Variants in CREB5 observed in about 807,000 individuals in gnomAD.
CREB5 encodes cyclic AMP-responsive element-binding protein 5.
Under a neutral mutation model 57.1 loss-of-function variants are expected in CREB5, and 19 were observed. The observed-to-expected ratio is 0.33, with a 90% CI of 0.23 to 0.49. The LOEUF (loss-of-function observed/expected upper bound fraction) is 0.49, where lower values mean the gene tolerates loss of function less well. CREB5 is among the 20% of genes least tolerant of loss of function. CREB5 has a pLI of 0.99. For missense variants in CREB5, 579 were observed against 671.6 expected (o/e 0.86, Z 1.52); for synonymous variants, 238 against 238.3 (o/e 1.00, Z 0.01).
At chr7:28,360,549 G>T (rs915902179) in intron 1 of CREB5, among the ~76,000 whole-genome samples, 1 of 152,080 alleles carries the variant, frequency 6.6e-6, no homozygotes, top group Non-Finnish European at 1.5e-5. Flanking sequence ...GTACTGTGGT[G>T]GTTACGAAAG....
intron 5 of CREB5, among the ~76,000 whole-genome samples, chr7:28,598,689 TC>T (rs1469595082): frequency 6.6e-6 from 1 of 152,180 alleles, no homozygotes; most frequent in Non-Finnish European, 1.5e-5. Flanking sequence ...CCTCACTCTA[TC>T]CATCATTATT....
In CREB5 at chr7:28,488,221, T is replaced by C; in HGVS notation, c.50T>C (p.Val17Ala). ...KMNLEQERPF[V>A]CSAPGCSQRF... Reference sequence around the variant, plus strand: ...AATTTGGAGCAGGAGAGGCCGTTTGTCTGCAGTGCCCCAGGCTGCTCCCAG... The same window carrying C: ...AATTTGGAGCAGGAGAGGCCGTTTGCCTGCAGTGCCCCAGGCTGCTCCCAG... Residue 17 changes from valine to alanine, a missense_variant, in exon 2 of 11, where the codon GTC becomes GCC. Physicochemically the swap from Val to Ala is moderately conservative, Grantham distance 64 (BLOSUM62 0). This residue lies in a region of CREB5 where 459 missense variants were observed against 515.7 expected (regional missense o/e 0.89). Coordinates refer to ENST00000357727, the MANE Select transcript of CREB5 (RefSeq NM_182898.4). 1.2e-6 allele frequency: 2 copies of C among 1,613,958 alleles called. No individual in the cohort carries two copies. Among genetic ancestry groups the C allele is most frequent in the Non-Finnish European group, 8.5e-7 (1 of 1,179,910 alleles).
At position 28,703,276 on chromosome 7, in the gene CREB5, G is replaced by A. The variant is rs1057222983; in HGVS notation, c.465-15477G>A. On this transcript the variant is annotated intron_variant, in intron 5 of 10. Transcript: ENST00000357727. ...GATGGAGCCAAGTGGATACACTCCA[G>A]GTCTATTTTGGGGGTGGAGTGAATA... Among the ~76,000 whole-genome samples the A allele has an allele frequency of 2.0e-5, 3 of 152,266 alleles. No homozygotes were observed. The South Asian group carries it at 6.2e-4, about 32-fold the overall frequency.
chr7:28,706,752 A>G (rs1030554139), intron 5 of CREB5, among the ~76,000 whole-genome samples: 1 of 152,200 alleles, frequency 6.6e-6, no homozygotes, highest in Non-Finnish European at 1.5e-5. Flanking sequence ...GTTGCACAAG[A>G]GAGAGCACAC....
At chr7:28,768,214 G>A (rs528598919) in intron 7 of CREB5, among the ~76,000 whole-genome samples, 1 of 152,248 alleles carries the variant, frequency 6.6e-6, no homozygotes, top group African/African-American at 2.4e-5. Flanking sequence ...TCCTCAGAAG[G>A]GAAAGAAGAC....
intron 5 of CREB5, among the ~76,000 whole-genome samples, chr7:28,576,115 T>C (rs74750065): frequency 0.016 from 2,437 of 152,222 alleles, 65 homozygotes; most frequent in African/African-American, 0.056. Context: ...CAGGCAAGCA[T>C]TGTGTCTTAG....
chr7:28,786,972 A>G (rs1807366292), intron 7 of CREB5, among the ~76,000 whole-genome samples: 1 of 152,196 alleles, frequency 6.6e-6, no homozygotes, highest in Non-Finnish European at 1.5e-5. Context: ...TGTAAAAACC[A>G]TGTTAGGAAG....
At chr7:28,688,970 G>T (rs1193151426) in intron 5 of CREB5, among the ~76,000 whole-genome samples, 2 of 152,088 alleles carry the variant, frequency 1.3e-5, no homozygotes, top group Admixed American at 1.3e-4. Flanking sequence ...CACTAGCCTG[G>T]CTGTGGCCTC....
chr7:28,589,280 C>T (rs1194781291), intron 5 of CREB5, among the ~76,000 whole-genome samples: 1 of 152,118 alleles, frequency 6.6e-6, no homozygotes, highest in Non-Finnish European at 1.5e-5. Flanking sequence ...TTGGGCTGGG[C>T]GCAGTGGCTC....
chr7:28,405,402 T>G (rs1195552957), intron 1 of CREB5, among the ~76,000 whole-genome samples: 1 of 152,184 alleles, frequency 6.6e-6, no homozygotes, highest in Non-Finnish European at 1.5e-5. Flanking sequence ...GGGAAGCTGC[T>G]AGAGGATTGG....
chr7:28,570,942 T>A (rs1282965651), intron 5 of CREB5, among the ~76,000 whole-genome samples: 1 of 152,006 alleles, frequency 6.6e-6, no homozygotes. Flanking sequence ...GCTGCCACAC[T>A]CATCACCTCA....
At chr7:28,782,997 T>A (rs1008290039) in intron 7 of CREB5, among the ~76,000 whole-genome samples, 1 of 152,116 alleles carries the variant, frequency 6.6e-6, no homozygotes, top group African/African-American at 2.4e-5. Context: ...GAAAGGAAGA[T>A]GACGATTTAA....
intron 5 of CREB5, among the ~76,000 whole-genome samples, chr7:28,692,729 A>G (rs909179614): frequency 3.3e-5 from 5 of 152,202 alleles, no homozygotes; most frequent in Non-Finnish European, 7.3e-5. Context: ...AGATCGCACC[A>G]CTGCACAACA....
intron 8 of CREB5, among the ~76,000 whole-genome samples, chr7:28,808,289 T>TAATA (rs1389604971): frequency 6.6e-6 from 1 of 152,210 alleles, no homozygotes; most frequent in East Asian, 1.9e-4. Context: ...AAGAACTGTG[T>TAATA]AATAGTCAAA....
chr7:28,332,244 C>G (rs1785730936), intron 1 of CREB5, among the ~76,000 whole-genome samples: 1 of 152,126 alleles, frequency 6.6e-6, no homozygotes, highest in African/African-American at 2.4e-5. Flanking sequence ...GGAGTGTGGT[C>G]TGGACTGAAA....
At chr7:28,689,776 G>T (rs563370383) in intron 5 of CREB5, among the ~76,000 whole-genome samples, 25 of 152,180 alleles carry the variant, frequency 1.6e-4, no homozygotes, top group Middle Eastern at 3.4e-3. Flanking sequence ...ATACTGTTCT[G>T]CTCCTTGCGA....
At chr7:28,590,892 A>T (rs1421127504) in intron 5 of CREB5, among the ~76,000 whole-genome samples, 1 of 152,160 alleles carries the variant, frequency 6.6e-6, no homozygotes, top group East Asian at 1.9e-4. Context: ...TGACATTATC[A>T]TCATCGTTAT....
chr7:28,383,405 AT>A (rs1244456159), intron 1 of CREB5, among the ~76,000 whole-genome samples: 1 of 152,226 alleles, frequency 6.6e-6, no homozygotes, highest in Non-Finnish European at 1.5e-5. Flanking sequence ...ACTGGGTAAT[AT>A]GCAAAGAAAA....
chr7:28,742,389 A>G (rs1804413259), intron 7 of CREB5, among the ~76,000 whole-genome samples: 1 of 152,034 alleles, frequency 6.6e-6, no homozygotes, highest in Admixed American at 6.5e-5. Flanking sequence ...ACATGGTGAA[A>G]CCCCATCTCT....
Sources: gnomAD v4.1 joint callset for allele counts (sites outside exome capture counted in the v4.1 genomes callset) on GRCh38, gnomAD v4.1.1 for gene constraint, gnomAD v4.1.1 regional missense constraint, MANE v1.5 for transcripts, NCBI Gene and HGNC (gene_info 2026-07-23, HGNC 2026-07-21) for gene names.